FNDC3A: variants seen among roughly 807,000 people sequenced by gnomAD.
The protein encoded by FNDC3A is fibronectin type III domain containing 3A, also known as fibronectin type-III domain-containing protein 3A.
In FNDC3A, 32 loss-of-function variants were observed where a neutral mutation model predicts 148.9. The ratio of observed to expected loss-of-function variants is 0.21; its 90% confidence interval spans 0.16 to 0.29. The LOEUF (loss-of-function observed/expected upper bound fraction) is 0.29. Ranked by LOEUF, FNDC3A falls within the 10% of genes least tolerant of loss-of-function variation. The probability of loss-of-function intolerance (pLI) is 1.00; values close to 1 mark genes in which losing one functional copy is unlikely to be tolerated. For missense variants in FNDC3A, 1,191 were observed against 1,452.8 expected, an observed-to-expected ratio of 0.82 and a Z score of 2.93; for synonymous variants, 472 against 473.6, an observed-to-expected ratio of 1.00 and a Z score of 0.04.
intron 2 of FNDC3A, chr13:49,044,682 G>T (rs190575975): frequency 2.2e-5 from 5 of 224,322 alleles, no homozygotes; most frequent in African/African-American, 7.1e-5. Context: ...AAAAAAAAAA[G>T]AAAGAAAAAT....
intron 7 of FNDC3A, among the ~76,000 whole-genome samples, chr13:49,141,671 C>T (rs1204943333): frequency 6.6e-6 from 1 of 151,998 alleles, no homozygotes. Flanking sequence ...GTTTAGCTTC[C>T]TAGATATATA....
At chr13:49,102,107 G>A (rs1222523825) in intron 3 of FNDC3A, among the ~76,000 whole-genome samples, 3 of 151,542 alleles carry the variant, frequency 2.0e-5, no homozygotes, top group Admixed American at 1.3e-4. Context: ...CCAAATGCTG[G>A]GATTACAGGC....
intron 14 of FNDC3A, among the ~76,000 whole-genome samples, chr13:49,181,446 C>T (rs1164645230): frequency 6.6e-6 from 1 of 152,128 alleles, no homozygotes; most frequent in Non-Finnish European, 1.5e-5. Flanking sequence ...AGAGGCCTAG[C>T]AGTCTGTTGT....
intron 8 of FNDC3A, among the ~76,000 whole-genome samples, chr13:49,159,099 G>A (rs1206069665): frequency 6.6e-6 from 1 of 152,200 alleles, no homozygotes; most frequent in Non-Finnish European, 1.5e-5. Context: ...TCTTGACAAT[G>A]TGGGCTCTTT....
chr13:49,001,945 C>T (rs1193613861), intron 1 of FNDC3A, among the ~76,000 whole-genome samples: 1 of 152,144 alleles, frequency 6.6e-6, no homozygotes, highest in Non-Finnish European at 1.5e-5. Context: ...CGCTCCCTCC[C>T]CTTTTGAAAA....
intron 1 of FNDC3A, among the ~76,000 whole-genome samples, chr13:48,986,711 A>G (rs1017167366): frequency 3.9e-5 from 6 of 151,986 alleles, no homozygotes; most frequent in African/African-American, 1.4e-4. Context: ...GGTTTTTTTA[A>G]AAAGAAGTTG....
At chr13:49,158,257 A>T (rs936339984) in intron 8 of FNDC3A, among the ~76,000 whole-genome samples, 2 of 152,198 alleles carry the variant, frequency 1.3e-5, no homozygotes, top group East Asian at 3.9e-4. Context: ...GAGAAGCGCA[A>T]TATTCGGGAG....
intron 19 of FNDC3A, among the ~76,000 whole-genome samples, chr13:49,195,796 C>T (rs548832625): frequency 1.4e-4 from 22 of 152,240 alleles, no homozygotes; most frequent in African/African-American, 4.8e-4. Context: ...CCCAGTGGCT[C>T]ATGCCTGTAA....
chr13:49,166,051 A>C (rs1884441596), intron 8 of FNDC3A, among the ~76,000 whole-genome samples: 1 of 152,098 alleles, frequency 6.6e-6, no homozygotes, highest in African/African-American at 2.4e-5. Flanking sequence ...TGGTGTTTGT[A>C]GGTGCTAACT....
chr13:49,123,465 A>G (rs1351106511), intron 4 of FNDC3A, among the ~76,000 whole-genome samples: 4 of 152,222 alleles, frequency 2.6e-5, no homozygotes, highest in Admixed American at 2.0e-4. Context: ...AAACACCAAA[A>G]GCTATGGCAA....
At chr13:49,084,390 A>G (rs531975703) in intron 3 of FNDC3A, among the ~76,000 whole-genome samples, 1 of 152,330 alleles carries the variant, frequency 6.6e-6, no homozygotes, top group South Asian at 2.1e-4. Context: ...GGTAACTGTT[A>G]TATACCAAAA....
intron 4 of FNDC3A, among the ~76,000 whole-genome samples, chr13:49,116,841 G>T (rs1880997634): frequency 6.6e-6 from 1 of 152,062 alleles, no homozygotes; most frequent in Non-Finnish European, 1.5e-5. Flanking sequence ...TACAAGAGTG[G>T]TCGGAAGAGG....
At chr13:49,013,954 T>C (rs1245616664) in intron 2 of FNDC3A, among the ~76,000 whole-genome samples, 1 of 151,384 alleles carries the variant, frequency 6.6e-6, no homozygotes, top group Non-Finnish European at 1.5e-5. Context: ...TGCATAGTAT[T>C]CCATGGTGTA....
intron 2 of FNDC3A, among the ~76,000 whole-genome samples, chr13:49,026,980 CA>C (rs919785309): frequency 5.2e-4 from 78 of 151,356 alleles, no homozygotes; most frequent in African/African-American, 1.8e-3. Context: ...CAGAGGATAC[CA>C]ACTGTGAAAT....
chr13:49,010,101 C>T (rs1053293656), intron 2 of FNDC3A, among the ~76,000 whole-genome samples: 1 of 152,148 alleles, frequency 6.6e-6, no homozygotes, highest in African/African-American at 2.4e-5. Context: ...GCAGCATGTT[C>T]TGGTCAGGAG....
intron 1 of FNDC3A, among the ~76,000 whole-genome samples, chr13:48,998,368 G>A (rs1304290240): frequency 6.6e-6 from 1 of 152,162 alleles, no homozygotes; most frequent in Non-Finnish European, 1.5e-5. Flanking sequence ...GATGCTACAA[G>A]TGGAAAATTC....
intron 10 of FNDC3A, among the ~76,000 whole-genome samples, chr13:49,171,235 T>G (rs964047602): frequency 2.0e-5 from 3 of 152,190 alleles, no homozygotes; most frequent in Non-Finnish European, 4.4e-5. Flanking sequence ...TATTAAAAAC[T>G]TAATGATCCT....
chr13:49,142,685 T>C (rs1004101428), intron 7 of FNDC3A, among the ~76,000 whole-genome samples: 9 of 152,316 alleles, frequency 5.9e-5, no homozygotes, highest in Non-Finnish European at 1.2e-4. Context: ...AGATTTCAGT[T>C]ATAAGCTTTG....
intron 2 of FNDC3A, among the ~76,000 whole-genome samples, chr13:49,060,308 AT>A (rs1243140854): frequency 6.6e-6 from 1 of 152,208 alleles, no homozygotes; most frequent in East Asian, 1.9e-4. Flanking sequence ...GGATAAACAA[AT>A]TGTGATATAT....
Sources: gnomAD v4.1 joint callset for allele counts (sites outside exome capture counted in the v4.1 genomes callset) on GRCh38, gnomAD v4.1.1 for gene constraint, MANE v1.5 for transcripts, NCBI Gene and HGNC (gene_info 2026-07-23, HGNC 2026-07-21) for gene names.